NUMB: variants seen among roughly 807,000 people sequenced by gnomAD.
The protein encoded by NUMB is NUMB endocytic adaptor protein.
Under a neutral mutation model 59.7 loss-of-function variants are expected in NUMB, and 29 were observed. The observed-to-expected ratio is 0.49, with a 90% CI of 0.36 to 0.66. The LOEUF (loss-of-function observed/expected upper bound fraction) is 0.66. NUMB is among the 30% of genes least tolerant of loss of function. The pLI is 0.00. For missense variants in NUMB, 723 were observed against 822.0 expected (o/e 0.88, Z 1.47); for synonymous variants, 288 against 288.2 (o/e 1.00, Z 0.01).
chr14:73,292,911 T>A (rs114433477), intron 7 of NUMB, 37 bp from the exon 8 acceptor site: 3 of 1,604,182 alleles, frequency 1.9e-6, no homozygotes, highest in Non-Finnish European at 1.7e-6. Flanking sequence ...AGAAGACTTA[T>A]GAGGTTATCT....
chr14:73,345,680 G>A (rs1207788796), intron 4 of NUMB, among the ~76,000 whole-genome samples: 1 of 151,980 alleles, frequency 6.6e-6, no homozygotes, highest in Admixed American at 6.6e-5. Context: ...GGAGGCCGAG[G>A]GTGGATCATC....
intron 5 of NUMB, 81 bp from the exon 6 acceptor site, chr14:73,316,503 A>G (rs1566740156): frequency 3.0e-6 from 4 of 1,346,422 alleles, no homozygotes; most frequent in African/African-American, 1.4e-5. Flanking sequence ...AAGCACATAC[A>G]GAAATTGGGG....
chr14:73,327,401 C>T (rs1302701481), intron 4 of NUMB, among the ~76,000 whole-genome samples: 6 of 152,122 alleles, frequency 3.9e-5, no homozygotes, highest in Non-Finnish European at 7.4e-5. Flanking sequence ...GGACTACAGG[C>T]GTGTGCCACC....
intron 2 of NUMB, among the ~76,000 whole-genome samples, chr14:73,387,047 A>AT (rs56353455): frequency 5.3e-5 from 8 of 149,770 alleles, no homozygotes; most frequent in African/African-American, 1.7e-4. Flanking sequence ...CGCCCGGCTA[A>AT]TTTTTTTTGT....
intron 1 of NUMB, among the ~76,000 whole-genome samples, chr14:73,428,771 C>G (rs1241262380): frequency 1.3e-5 from 2 of 152,106 alleles, no homozygotes; most frequent in Admixed American, 6.6e-5. Flanking sequence ...ATGATCACAC[C>G]ACTGCACTCC....
intron 4 of NUMB, among the ~76,000 whole-genome samples, chr14:73,334,069 G>A (rs897204721): frequency 1.1e-4 from 16 of 146,146 alleles, no homozygotes; most frequent in African/African-American, 3.6e-4. Context: ...TTTTTTTTTC[G>A]AGATGGAGTT....
intron 1 of NUMB, among the ~76,000 whole-genome samples, chr14:73,443,183 C>T (rs775106568): frequency 3.9e-5 from 6 of 152,154 alleles, no homozygotes; most frequent in East Asian, 1.9e-4. Flanking sequence ...ACCTTAAATA[C>T]GTGCAGTTTC....
At chr14:73,311,181 G>C (rs61985762) in intron 6 of NUMB, among the ~76,000 whole-genome samples, 4,192 of 152,072 alleles carry the variant, frequency 0.028, 82 homozygotes, top group Non-Finnish European at 0.044. Flanking sequence ...TCAGCCTCCT[G>C]AGTAGCTGGG....
chr14:73,446,529 C>A (rs1245762487), intron 1 of NUMB, among the ~76,000 whole-genome samples: 1 of 150,656 alleles, frequency 6.6e-6, no homozygotes, highest in Non-Finnish European at 1.5e-5. Flanking sequence ...CACTTGAACT[C>A]GGGAGGCAGA....
At chr14:73,367,348 T>TATAGAGAGAGAGAG (rs1555375287) in intron 2 of NUMB, among the ~76,000 whole-genome samples, 2,026 of 105,218 alleles carry the variant, frequency 0.019, 40 homozygotes, top group African/African-American at 0.039. Context: ...TATATATATA[T>TATAGAGAGAGAGAG]AGAGAGAGAG....
chr14:73,356,879 G>A (rs759072078), intron 3 of NUMB: 38 of 173,248 alleles, frequency 2.2e-4, no homozygotes, highest in Non-Finnish European at 4.1e-4. Flanking sequence ...TTTCTTTTAA[G>A]TAGAGACAAG....
At position 73,415,500 on chromosome 14, in the gene NUMB, TTTC is replaced by T. The variant is rs1897086816; in HGVS notation, c.-232-5435_-232-5433del. Among the ~76,000 whole-genome samples the T allele has an allele frequency of 3.0e-5, 3 of 100,140 alleles. No individual in the cohort carries two copies. The South Asian group carries it at 1.1e-3, about 38-fold the overall frequency. 65.7% of individuals were successfully genotyped at this position (100,140 alleles called of 152,430 possible). ...TCTCCTTACTGTCTTGCAACTATTT[TTTC>T]TTTTCTTTTTTTTTTTTTTTTGAGA... On this transcript the variant is annotated intron_variant, in intron 1 of 12. Transcript: ENST00000555238.
At chr14:73,435,168 G>T (rs1455735904) in intron 1 of NUMB, among the ~76,000 whole-genome samples, 1 of 152,026 alleles carries the variant, frequency 6.6e-6, no homozygotes, top group Non-Finnish European at 1.5e-5. Flanking sequence ...AACAACTCAG[G>T]TAGTGGCAAG....
chr14:73,373,370 A>G (rs1356330217), intron 2 of NUMB, among the ~76,000 whole-genome samples: 2 of 152,226 alleles, frequency 1.3e-5, no homozygotes, highest in Non-Finnish European at 2.9e-5. Flanking sequence ...GTCTTCAGTT[A>G]AAGCTGCTAT....
intron 6 of NUMB, among the ~76,000 whole-genome samples, chr14:73,304,659 GAT>G (rs1411681965): frequency 6.6e-6 from 1 of 152,182 alleles, no homozygotes; most frequent in Non-Finnish European, 1.5e-5. Flanking sequence ...ACAAGTTGGT[GAT>G]ATACATGGTA....
At chr14:73,354,691 G>A (rs879193065) in intron 4 of NUMB, among the ~76,000 whole-genome samples, 2 of 151,284 alleles carry the variant, frequency 1.3e-5, no homozygotes, top group African/African-American at 4.9e-5. Context: ...AGCCGGGCAT[G>A]GTGGGGCACG....
chr14:73,308,358 T>C (rs543927480), intron 6 of NUMB, among the ~76,000 whole-genome samples: 5 of 152,192 alleles, frequency 3.3e-5, no homozygotes, highest in Admixed American at 1.3e-4. Context: ...GAGAGAAAGA[T>C]CCTTCTCTCC....
rs752154048 is a variant in NUMB at position 73,445,354 on chromosome 14, C to CAAAAAAAAAAAAAAAA, written c.-233+13123_-233+13138dup. Among the ~76,000 whole-genome samples, 31 of 57,576 alleles carry CAAAAAAAAAAAAAAAA rather than the reference C, an allele frequency of 5.4e-4. 2 individuals are homozygous for CAAAAAAAAAAAAAAAA. The highest frequency in any genetic ancestry group is 8.8e-4 in the Non-Finnish European group (27 of 30,716). 37.8% of individuals were successfully genotyped at this position (57,576 alleles called of 152,430 possible). A position where few individuals can be genotyped will look rare whatever the true frequency, so the allele number is the denominator to read the frequency against. ...TGAGTGACAAAGTGAGACCCTGTCT[C>CAAAAAAAAAAAAAAAA]AAAAAAAAAAAAAAAAAAAAAAAAA... On this transcript the variant is annotated intron_variant, in intron 1 of 12. Transcript: ENST00000555238.
chr14:73,281,183 G>A (rs1371578177), intron 11 of NUMB, among the ~76,000 whole-genome samples: 2 of 152,050 alleles, frequency 1.3e-5, no homozygotes, highest in Non-Finnish European at 2.9e-5. Flanking sequence ...ACTATATTCA[G>A]GAGGACCTGA....
Sources: allele counts gnomAD v4.1 joint callset (sites outside exome capture counted in the v4.1 genomes callset), GRCh38; gene constraint gnomAD v4.1.1; transcripts MANE v1.5; gene names NCBI Gene and HGNC (gene_info 2026-07-23, HGNC 2026-07-21).